Variants in PTK2 observed in about 807,000 individuals in gnomAD.
PTK2 encodes focal adhesion kinase 1.
A neutral mutation model predicts 150.1 loss-of-function variants in PTK2; 45 were observed. The ratio of observed to expected loss-of-function variants is 0.30; its 90% CI spans 0.24 to 0.38. PTK2 has a LOEUF of 0.38. Ranked by LOEUF, PTK2 falls within the 10% of genes least tolerant of loss-of-function variation. PTK2 has a pLI of 1.00. For missense variants in PTK2, 919 were observed against 1,307.3 expected, an observed-to-expected ratio of 0.70 and a Z score of 4.58; for synonymous variants, 432 against 449.2, an observed-to-expected ratio of 0.96 and a Z score of 0.48.
intron 1 of PTK2, among the ~76,000 whole-genome samples, chr8:140,957,702 C>A (rs998726443): frequency 6.6e-6 from 1 of 152,080 alleles, no homozygotes; most frequent in Non-Finnish European, 1.5e-5. Flanking sequence ...TCTTATTGTA[C>A]CTTTTCTATG....
chr8:140,883,847 C>G (rs994974009), intron 3 of PTK2, among the ~76,000 whole-genome samples: 1 of 151,988 alleles, frequency 6.6e-6, no homozygotes, highest in Non-Finnish European at 1.5e-5. Context: ...ACAACAAGTG[C>G]ATTATCTTTT....
intron 11 of PTK2, 80 bp downstream of exon 11, chr8:140,803,463 C>T (rs886644362): frequency 1.2e-5 from 14 of 1,179,356 alleles, no homozygotes; most frequent in Admixed American, 7.4e-5. Flanking sequence ...AAACTTCATC[C>T]TTTTCATAAA....
intron 1 of PTK2, among the ~76,000 whole-genome samples, chr8:140,980,350 G>C (rs1041174738): frequency 3.3e-5 from 5 of 152,236 alleles, no homozygotes; most frequent in Non-Finnish European, 5.9e-5. Context: ...GGGCACGGTG[G>C]CTCACGCCTG....
At chr8:140,688,620 T>A (rs2100021355) in intron 26 of PTK2, among the ~76,000 whole-genome samples, 1 of 152,082 alleles carries the variant, frequency 6.6e-6, no homozygotes, top group Non-Finnish European at 1.5e-5. Context: ...CTGGAGAGGC[T>A]GAGGTGGGGC....
At chr8:140,787,716 C>T (rs2100085758) in intron 14 of PTK2, among the ~76,000 whole-genome samples, 1 of 152,220 alleles carries the variant, frequency 6.6e-6, no homozygotes, top group African/African-American at 2.4e-5. Context: ...TCCTTATTAA[C>T]ATAATGGGAC....
chr8:140,746,645 A>G (rs984896390), intron 18 of PTK2, 115 bp downstream of exon 21: 6 of 693,922 alleles, frequency 8.6e-6, no homozygotes, highest in Admixed American at 6.0e-5. Flanking sequence ...AATGACATAC[A>G]TCCTAAATCA....
chr8:140,862,055 C>T (rs2100136476), intron 5 of PTK2, among the ~76,000 whole-genome samples: 3 of 152,126 alleles, frequency 2.0e-5, no homozygotes, highest in Admixed American at 1.3e-4. Flanking sequence ...CTCACTTTAT[C>T]ATATAGGAAA....
intron 5 of PTK2, among the ~76,000 whole-genome samples, chr8:140,848,169 A>G (rs994329585): frequency 1.3e-5 from 2 of 152,244 alleles, no homozygotes; most frequent in South Asian, 4.1e-4. Flanking sequence ...CACTGATTTC[A>G]TACTTCCTCC....
At chr8:140,906,676 G>A (rs2100161005) in intron 2 of PTK2, among the ~76,000 whole-genome samples, 1 of 152,142 alleles carries the variant, frequency 6.6e-6, no homozygotes, top group Non-Finnish European at 1.5e-5. Flanking sequence ...AAAGGGTACA[G>A]GGCATAAATA....
intron 27 of PTK2, among the ~76,000 whole-genome samples, chr8:140,682,939 G>A (rs1316710757): frequency 3.9e-5 from 6 of 152,168 alleles, no homozygotes; most frequent in Non-Finnish European, 8.8e-5. Context: ...CACACCTTGA[G>A]TAACTAGAAA....
At chr8:140,917,417 A>C (rs1331001623) in intron 2 of PTK2, among the ~76,000 whole-genome samples, 6 of 151,438 alleles carry the variant, frequency 4.0e-5, no homozygotes, top group African/African-American at 1.2e-4. Context: ...AGGAAAAAGG[A>C]AAGGAAAAAG....
At chr8:140,833,923 G>A (rs553425552) in intron 7 of PTK2, among the ~76,000 whole-genome samples, 68 of 152,208 alleles carry the variant, frequency 4.5e-4, no homozygotes, top group African/African-American at 1.6e-3. Flanking sequence ...CAGATGACAA[G>A]ACACTAATAT....
At chr8:140,706,448 A>G (rs2100033856) in intron 23 of PTK2, among the ~76,000 whole-genome samples, 5 of 152,226 alleles carry the variant, frequency 3.3e-5, no homozygotes, top group Admixed American at 3.3e-4. Context: ...TTAACTCAAA[A>G]TGAATTACAG....
intron 5 of PTK2, among the ~76,000 whole-genome samples, chr8:140,849,186 T>A (rs972786677): frequency 6.6e-6 from 1 of 152,170 alleles, no homozygotes; most frequent in African/African-American, 2.4e-5. Flanking sequence ...GTGATCAAAG[T>A]ATTCTGCAAA....
At chr8:140,764,820 G>C (rs574806140) in intron 14 of PTK2, among the ~76,000 whole-genome samples, 1 of 152,248 alleles carries the variant, frequency 6.6e-6, no homozygotes, top group South Asian at 2.1e-4. Context: ...GTTGAGAAAT[G>C]CAACAGGAAT....
intron 31 of PTK2, among the ~76,000 whole-genome samples, chr8:140,661,348 T>C (rs1385610732): frequency 6.6e-6 from 1 of 152,164 alleles, no homozygotes; most frequent in African/African-American, 2.4e-5. Context: ...TGATGGTGGA[T>C]GTGCAGGTGA....
intron 2 of PTK2, among the ~76,000 whole-genome samples, chr8:140,912,794 A>G (rs2100163727): frequency 6.6e-6 from 1 of 152,024 alleles, no homozygotes; most frequent in Non-Finnish European, 1.5e-5. Context: ...CTTTGTCTAT[A>G]CCAAAAATAC....
chr8:140,896,098 T>C (rs564630635), intron 2 of PTK2, among the ~76,000 whole-genome samples: 7 of 152,228 alleles, frequency 4.6e-5, no homozygotes, highest in African/African-American at 1.7e-4. Context: ...AATTTGAAAA[T>C]TTAGATAAGC....
intron 3 of PTK2, among the ~76,000 whole-genome samples, chr8:140,885,852 G>T (rs1208423490): frequency 1.3e-5 from 2 of 152,148 alleles, no homozygotes; most frequent in African/African-American, 4.8e-5. Flanking sequence ...CAAAGGACGT[G>T]CATGTTGACT....
Sources: allele counts gnomAD v4.1 joint callset (sites outside exome capture counted in the v4.1 genomes callset), GRCh38; gene constraint gnomAD v4.1.1; transcripts MANE v1.5; gene names NCBI Gene and HGNC (gene_info 2026-07-23, HGNC 2026-07-21).